SLC25A48: variants seen among roughly 807,000 people sequenced by gnomAD.
SLC25A48 encodes CTC-321K16.1.
Under a neutral mutation model 32.2 loss-of-function variants are expected in SLC25A48, and 29 were observed. That is an observed-to-expected ratio of 0.90 (90% CI 0.67 to 1.23). The LOEUF (loss-of-function observed/expected upper bound fraction) is 1.23. Among genes scored for constraint, SLC25A48 ranks in the 50% most tolerant of loss-of-function variants. The pLI is 0.00. For synonymous variants in SLC25A48, 164 were observed against 172.3 expected, an observed-to-expected ratio of 0.95 and a Z score of 0.38; for missense variants, 399 against 422.7, an observed-to-expected ratio of 0.94 and a Z score of 0.49.
chr5:135,628,248 A>G (rs375287475), intron 1 of SLC25A48, among the ~76,000 whole-genome samples: 127 of 152,302 alleles, frequency 8.3e-4, no homozygotes, highest in African/African-American at 3.0e-3. Flanking sequence ...CCAATTGCCC[A>G]TCTATGCCTT....
chr5:135,871,935 A>G, intron 5 of SLC25A48: 2 of 1,456,738 alleles, frequency 1.4e-6, no homozygotes, highest in African/African-American at 1.4e-5. Flanking sequence ...TTCCCATTTG[A>G]CTTTCAGGCA....
At chr5:135,598,756 G>C (rs1438352904) in intron 1 of SLC25A48, among the ~76,000 whole-genome samples, 1 of 147,196 alleles carries the variant, frequency 6.8e-6, no homozygotes, top group Admixed American at 6.7e-5. Context: ...TTTCACTTTG[G>C]GGTGGAGTAT....
intron 3 of SLC25A48, among the ~76,000 whole-genome samples, chr5:135,727,888 T>A (rs1755125570): frequency 1.3e-5 from 2 of 152,238 alleles, no homozygotes; most frequent in Non-Finnish European, 2.9e-5. Context: ...GTTCCAAATT[T>A]TAGAATAATC....
intron 3 of SLC25A48, among the ~76,000 whole-genome samples, chr5:135,660,340 C>T (rs550092883): frequency 5.3e-5 from 8 of 152,346 alleles, no homozygotes; most frequent in African/African-American, 1.9e-4. Flanking sequence ...CCCCACCCAA[C>T]TCTGTCCCTA....
rs113126549 is a variant in SLC25A48, at chr5:135,695,646, C to T, written c.-521+60690C>T. Among the ~76,000 whole-genome samples, 1,278 of 152,328 alleles carry T rather than the reference C, an allele frequency of 8.4e-3. 20 individuals are homozygous for T. The highest frequency in any genetic ancestry group is 0.03 in the African/African-American group (1,241 of 41,576). Reference sequence around the variant, plus strand: ...GTCTCTCTCTGGCCAGCCCCCACCTCGGGCAGCTGTGCTGGCACTTTCCTC... The same window carrying T: ...GTCTCTCTCTGGCCAGCCCCCACCTTGGGCAGCTGTGCTGGCACTTTCCTC... On this transcript the variant is annotated intron_variant, in intron 3 of 10. Transcript: ENST00000646290.
intron 4 of SLC25A48, among the ~76,000 whole-genome samples, chr5:135,814,180 T>C (rs977352055): frequency 1.3e-5 from 2 of 152,194 alleles, no homozygotes; most frequent in African/African-American, 2.4e-5. Context: ...ACCATTGCCA[T>C]GGATGTCCCT....
At chr5:135,681,574 T>G (rs924195812) in intron 3 of SLC25A48, among the ~76,000 whole-genome samples, 1 of 152,220 alleles carries the variant, frequency 6.6e-6, no homozygotes, top group Admixed American at 6.5e-5. Context: ...TCTCCTGATA[T>G]GTGTAGTATT....
intron 3 of SLC25A48, among the ~76,000 whole-genome samples, chr5:135,804,766 C>A (rs763176648): frequency 3.3e-5 from 5 of 151,528 alleles, no homozygotes; most frequent in Admixed American, 2.6e-4. Flanking sequence ...TAAGTGTACA[C>A]CCTGTGAAAA....
intron 3 of SLC25A48, among the ~76,000 whole-genome samples, chr5:135,684,759 G>C (rs1157587395): frequency 3.9e-5 from 6 of 152,294 alleles, no homozygotes; most frequent in Middle Eastern, 3.4e-3. Context: ...TCACATAACT[G>C]CATAAACTTC....
chr5:135,704,239 G>A (rs78883208), intron 3 of SLC25A48, among the ~76,000 whole-genome samples: 3,478 of 152,300 alleles, frequency 0.023, 52 homozygotes, highest in Non-Finnish European at 0.031. Context: ...GTGCATACTG[G>A]TGGCAAATCA....
At chr5:135,795,746 G>A (rs1757153405) in intron 3 of SLC25A48, among the ~76,000 whole-genome samples, 1 of 151,554 alleles carries the variant, frequency 6.6e-6, no homozygotes, top group Admixed American at 6.6e-5. Context: ...AACATCCGGT[G>A]GGGGAGAGAG....
At chr5:135,753,403 C>T (rs530526083) in intron 3 of SLC25A48, among the ~76,000 whole-genome samples, 14 of 151,950 alleles carry the variant, frequency 9.2e-5, no homozygotes, top group Middle Eastern at 3.4e-3. Context: ...ACACACAGAG[C>T]GCAAACCCAT....
chr5:135,653,891 G>A (rs1410673615), intron 3 of SLC25A48: 3 of 456,184 alleles, frequency 6.6e-6, no homozygotes, highest in South Asian at 3.1e-5. Flanking sequence ...ACAGCCACAG[G>A]GCAAGCATAT....
chr5:135,854,778 C>T (rs1462020390), intron 4 of SLC25A48, among the ~76,000 whole-genome samples: 1 of 152,216 alleles, frequency 6.6e-6, no homozygotes, highest in Non-Finnish European at 1.5e-5. Flanking sequence ...TTTGCATTCA[C>T]AACCTGGCTA....
intron 3 of SLC25A48, among the ~76,000 whole-genome samples, chr5:135,747,000 G>T (rs55807125): frequency 0.42 from 60,548 of 144,896 alleles, 13,853 homozygotes; most frequent in Non-Finnish European, 0.53. Context: ...TTTTGTTGTT[G>T]TTTTTTTTTC....
In SLC25A48 at chr5:135,854,557, A is replaced by G. The variant is rs796269335; in HGVS notation, c.421+1736A>G. On this transcript the variant is annotated intron_variant, in intron 4 of 7. Transcript: ENST00000681962. ...TGCCAGCTTCAAACTTTTCTTCTGC[A>G]GCTTCCTCACCTCTCTCCACCTTCA... 2.6e-5 allele frequency among the ~76,000 whole-genome samples: 4 copies of G among 152,204 alleles called. No individual in the cohort carries two copies. The South Asian group carries it at 8.3e-4, about 31-fold the overall frequency.
chr5:135,799,386 A>G (rs1179003868), intron 3 of SLC25A48, among the ~76,000 whole-genome samples: 2 of 151,434 alleles, frequency 1.3e-5, no homozygotes, highest in African/African-American at 4.9e-5. Context: ...AAGTGTACAC[A>G]GTGCCCCCCC....
At chr5:135,588,922 A>G (rs1751439852) in intron 1 of SLC25A48, among the ~76,000 whole-genome samples, 1 of 152,202 alleles carries the variant, frequency 6.6e-6, no homozygotes, top group East Asian at 1.9e-4. Context: ...CTCCCATTTC[A>G]CAAACAAAAA....
chr5:135,818,689 C>T (rs1434939307), intron 4 of SLC25A48, among the ~76,000 whole-genome samples: 1 of 152,104 alleles, frequency 6.6e-6, no homozygotes, highest in East Asian at 1.9e-4. Flanking sequence ...TCTAAAATTA[C>T]CCAGCATACA....
Sources: gnomAD v4.1 joint callset for allele counts (sites outside exome capture counted in the v4.1 genomes callset) on GRCh38, gnomAD v4.1.1 for gene constraint, MANE v1.5 for transcripts, NCBI Gene and HGNC (gene_info 2026-07-23, HGNC 2026-07-21) for gene names.